OLFML1: variants seen among roughly 807,000 people sequenced by gnomAD.
OLFML1 encodes olfactomedin-like protein 1.
Under a neutral mutation model 37.3 loss-of-function variants are expected in OLFML1, and 33 were observed. That is an observed-to-expected ratio of 0.88 (90% CI 0.67 to 1.18). The LOEUF (loss-of-function observed/expected upper bound fraction) is 1.18, where lower values mean the gene tolerates loss of function less well. Among genes scored for constraint, OLFML1 ranks in the 50% most tolerant of loss-of-function variants. The probability of loss-of-function intolerance (pLI) is 0.00; values close to 1 mark genes in which losing one functional copy is unlikely to be tolerated. For synonymous variants in OLFML1, 186 were observed against 181.3 expected, an observed-to-expected ratio of 1.03 and a Z score of -0.21; for missense variants, 545 against 483.7, an observed-to-expected ratio of 1.13 and a Z score of -1.19.
At chr11:7,488,869 AC>A (rs1848561827) in intron 2 of OLFML1, 1 of 160,318 alleles carries the variant, frequency 6.2e-6, no homozygotes, top group African/African-American at 2.4e-5. Context: ...GCAGTGAATC[AC>A]TATTGTGTGT....
intron 1 of OLFML1, among the ~76,000 whole-genome samples, chr11:7,486,675 C>T (rs1365156240): frequency 6.6e-6 from 1 of 152,200 alleles, no homozygotes; most frequent in Admixed American, 6.5e-5. Context: ...TGTAACCCTC[C>T]ACCCTAGCCT....
intron 2 of OLFML1, among the ~76,000 whole-genome samples, chr11:7,500,810 G>C (rs1848714227): frequency 6.6e-6 from 1 of 151,480 alleles, no homozygotes. Context: ...AAGGCCAGGA[G>C]GATTGGTTGA....
chr11:7,492,432 A>G (rs1848610341), intron 2 of OLFML1, among the ~76,000 whole-genome samples: 1 of 152,226 alleles, frequency 6.6e-6, no homozygotes, highest in South Asian at 2.1e-4. Flanking sequence ...TACAGAATAG[A>G]TGATGCAACT....
intron 2 of OLFML1, among the ~76,000 whole-genome samples, chr11:7,497,628 C>T (rs1189044893): frequency 6.6e-6 from 1 of 152,176 alleles, no homozygotes; most frequent in Non-Finnish European, 1.5e-5. Context: ...CTTTGGGCAA[C>T]ATACATCTAT....
chr11:7,486,094 T>G, intron 1 of OLFML1, 90 bp downstream of exon 1: 1 of 1,285,026 alleles, frequency 7.8e-7, no homozygotes, highest in Admixed American at 2.2e-5. Flanking sequence ...TGGGTTGTAT[T>G]TTTCCCAGAT....
At chr11:7,490,948 TCAA>T (rs1848588465) in intron 2 of OLFML1, among the ~76,000 whole-genome samples, 1 of 152,036 alleles carries the variant, frequency 6.6e-6, no homozygotes, top group African/African-American at 2.4e-5. Flanking sequence ...CCATCAATTA[TCAA>T]CAACAAAAAA....
rs756363270 is a variant in OLFML1 at position 7,488,108 on chromosome 11, A to G, written c.130-19A>G. On this transcript the variant is annotated intron_variant, in intron 1 of 2. Coordinates refer to ENST00000329293, the MANE Select transcript of OLFML1 (RefSeq NM_198474.4). ...TTAAATAACAAGCAATAATTTGCAAATTTATTTTCTGACTGAAGCAAGGGC... is the reference window on the plus strand; with the variant it reads ...TTAAATAACAAGCAATAATTTGCAAGTTTATTTTCTGACTGAAGCAAGGGC... 1 of 1,579,216 alleles carries G rather than the reference A, an allele frequency of 6.3e-7. No individual in the cohort carries two copies. Among genetic ancestry groups the G allele is most frequent in the East Asian group, 2.3e-5 (1 of 44,286 alleles).
At chr11:7,489,978 G>C (rs960344009) in intron 2 of OLFML1, among the ~76,000 whole-genome samples, 4 of 152,058 alleles carry the variant, frequency 2.6e-5, no homozygotes, top group Admixed American at 6.5e-5. Context: ...ATGAGAGCTT[G>C]GAACCCCAGT....
At chr11:7,490,235 C>G (rs1027156211) in intron 2 of OLFML1, among the ~76,000 whole-genome samples, 3 of 151,798 alleles carry the variant, frequency 2.0e-5, no homozygotes, top group African/African-American at 7.3e-5. Context: ...AGTAAGCAAT[C>G]CTTTTTGGCC....
rs1217387700 is a variant in OLFML1, at chr11:7,511,155, A to T, written c.*967A>T. The T allele has an allele frequency of 5.3e-5, 8 of 152,260 alleles. No individual in the cohort carries two copies. Among genetic ancestry groups the T allele is most frequent in the Non-Finnish European group, 1.2e-4 (8 of 68,050 alleles). 9.4% of individuals were successfully genotyped at this position (152,260 alleles called of 1,614,324 possible). A position where few individuals can be genotyped will look rare whatever the true frequency, so the allele number is the denominator to read the frequency against. On this transcript the variant is annotated 3_prime_UTR_variant, in exon 3 of 3. Transcript: ENST00000329293. ...TTCATCGTTTCAGCCTAAAAATAAT[A>T]GTCTGTCCCTTTAGCCAGTTTTCAT...
intron 2 of OLFML1, among the ~76,000 whole-genome samples, chr11:7,498,990 A>G (rs1291088005): frequency 6.6e-6 from 1 of 152,132 alleles, no homozygotes; most frequent in African/African-American, 2.4e-5. Context: ...GCCATTCTCC[A>G]CCAGCAGCCA....
chr11:7,510,138 A>G lies in OLFML1; in HGVS notation c.1159A>G (p.Asn387Asp). The G allele has an allele frequency of 6.2e-7, 1 of 1,613,358 alleles. No individual in the cohort carries two copies. Among genetic ancestry groups the G allele is most frequent in the East Asian group, 2.2e-5 (1 of 44,888 alleles). Reference sequence around the variant, plus strand: ...GCAGCTCTATGCCTGGAATGAAGGAAACCAGATCATTTACAAACTCCAGAC... The same window carrying G: ...GCAGCTCTATGCCTGGAATGAAGGAGACCAGATCATTTACAAACTCCAGAC... ...DKQLYAWNEG[N>D]QIIYKLQTKR... Residue 387 changes from asparagine to aspartate, a missense_variant, in exon 3 of 3, where the codon AAC becomes GAC. By Grantham distance (23) the Asn-to-Asp change is conservative (BLOSUM62 1). Coordinates refer to ENST00000329293, the MANE Select transcript of OLFML1 (RefSeq NM_198474.4).
chr11:7,497,642 C>T (rs138921509), intron 2 of OLFML1, among the ~76,000 whole-genome samples: 9 of 152,226 alleles, frequency 5.9e-5, no homozygotes, highest in East Asian at 3.9e-4. Context: ...CATCTATGCA[C>T]GTGAAAAGCC....
At chr11:7,500,891 T>A (rs1848715194) in intron 2 of OLFML1, among the ~76,000 whole-genome samples, 1 of 151,864 alleles carries the variant, frequency 6.6e-6, no homozygotes, top group East Asian at 1.9e-4. Context: ...ATAAAAAATT[T>A]TAAAAAAACT....
intron 2 of OLFML1, chr11:7,488,866 A>T (rs1352675466): frequency 6.2e-6 from 1 of 161,148 alleles, no homozygotes; most frequent in Non-Finnish European, 1.4e-5. Flanking sequence ...ACTGCAGTGA[A>T]TCACTATTGT....
Position 7,488,206 on chromosome 11 carries a change from T to G in OLFML1, c.209T>G (p.Met70Arg), listed in dbSNP as rs145160687. ...FQEFSKNISV[M>R]LGRCQTYTSE... ...GAGTTCTCAAAAAATATATCTGTCA[T>G]GCTGGGAAGATGTCAGACCTACACA... The change falls in exon 2 of 3, where the codon ATG (methionine) becomes AGG (arginine). Residue 70 changes from methionine to arginine, a missense_variant. Transcript: ENST00000329293. 2,810 of 1,613,750 alleles carry G rather than the reference T, an allele frequency of 1.7e-3. 4 individuals are homozygous for G. Among genetic ancestry groups the G allele is most frequent in the Non-Finnish European group, 2.1e-3 (2,483 of 1,179,862 alleles).
intron 2 of OLFML1, among the ~76,000 whole-genome samples, chr11:7,507,687 T>A (rs1203373791): frequency 2.0e-5 from 3 of 152,158 alleles, no homozygotes; most frequent in Non-Finnish European, 4.4e-5. Context: ...TAGCTGGGAC[T>A]ACCGGCATGT....
intron 2 of OLFML1, among the ~76,000 whole-genome samples, chr11:7,492,054 T>C (rs754493445): frequency 1.2e-4 from 19 of 152,218 alleles, no homozygotes; most frequent in Non-Finnish European, 8.8e-5. Flanking sequence ...TGTCCTGTCA[T>C]ACACTCACAG....
intron 2 of OLFML1, among the ~76,000 whole-genome samples, chr11:7,491,500 C>G (rs74354113): frequency 0.025 from 3,798 of 152,280 alleles, 149 homozygotes; most frequent in African/African-American, 0.086. Context: ...GAAACAATCA[C>G]AACGGTGTGA....
Sources: allele counts gnomAD v4.1 joint callset (sites outside exome capture counted in the v4.1 genomes callset), GRCh38; gene constraint gnomAD v4.1.1; transcripts MANE v1.5; gene names NCBI Gene and HGNC (gene_info 2026-07-23, HGNC 2026-07-21).